Variants in UIMC1 observed in about 807,000 individuals in gnomAD.
UIMC1 encodes the protein BRCA1-A complex subunit RAP80.
Under a neutral mutation model 84.9 loss-of-function variants are expected in UIMC1, and 42 were observed. The observed-to-expected ratio is 0.49, with a 90% confidence interval of 0.39 to 0.64. The LOEUF (loss-of-function observed/expected upper bound fraction) is 0.64. UIMC1 is among the 30% of genes least tolerant of loss of function. The probability of loss-of-function intolerance (pLI) is 0.00; values close to 1 mark genes in which losing one functional copy is unlikely to be tolerated. For synonymous variants in UIMC1, 281 were observed against 293.0 expected (o/e 0.96, Z 0.42); for missense variants, 825 against 847.6 (o/e 0.97, Z 0.33).
At chr5:176,981,451 G>A (rs532095544) in intron 2 of UIMC1, among the ~76,000 whole-genome samples, 3 of 152,068 alleles carry the variant, frequency 2.0e-5, no homozygotes, top group Non-Finnish European at 2.9e-5. Flanking sequence ...GCCAAGAAAC[G>A]TTTCTGAAAA....
chr5:176,908,724 C>A (rs1231128328), intron 11 of UIMC1, 30 bp from the exon 12 acceptor site: 1 of 1,603,124 alleles, frequency 6.2e-7, no homozygotes, highest in Non-Finnish European at 8.5e-7. Flanking sequence ...GAAGAAAACA[C>A]AGTTTTAAGA....
chr5:176,983,945 T>G (rs7712706), intron 1 of UIMC1, among the ~76,000 whole-genome samples: 12,219 of 99,366 alleles, frequency 0.12, 1,342 homozygotes, highest in African/African-American at 0.32. Flanking sequence ...AAGTGAGGAG[T>G]GCCTCTGCCC....
chr5:176,910,320 G>A (rs1161113594), intron 11 of UIMC1, among the ~76,000 whole-genome samples: 2 of 152,162 alleles, frequency 1.3e-5, no homozygotes, highest in Non-Finnish European at 2.9e-5. Context: ...ATCTACTGTT[G>A]GTAATGACAT....
chr5:176,922,931 G>A (rs1460864122), intron 10 of UIMC1, among the ~76,000 whole-genome samples: 4 of 152,060 alleles, frequency 2.6e-5, no homozygotes, highest in African/African-American at 4.8e-5. Flanking sequence ...TGAGTAGGCA[G>A]GGGGCCTCTG....
chr5:176,914,485 G>T (rs900734376), intron 10 of UIMC1, among the ~76,000 whole-genome samples: 24 of 152,298 alleles, frequency 1.6e-4, no homozygotes, highest in African/African-American at 5.5e-4. Flanking sequence ...GTAATTTGGG[G>T]AGATATAGGA....
chr5:176,998,641 C>T (rs1486009545), intron 1 of UIMC1, among the ~76,000 whole-genome samples: 2 of 151,870 alleles, frequency 1.3e-5, no homozygotes, highest in Non-Finnish European at 2.9e-5. Flanking sequence ...GTGGTGCATG[C>T]CTGTAATCCC....
At chr5:176,911,264 G>A (rs749004488) in intron 11 of UIMC1, 47 bp downstream of exon 11, 131 of 1,478,986 alleles carry the variant, frequency 8.9e-5, no homozygotes, top group Middle Eastern at 1.8e-4. Flanking sequence ...CAGTCCAAAC[G>A]ATGGTATGTT....
chr5:176,956,796 C>A (rs1766658988), intron 7 of UIMC1, among the ~76,000 whole-genome samples: 1 of 151,824 alleles, frequency 6.6e-6, no homozygotes, highest in African/African-American at 2.4e-5. Context: ...CCAAGAACCA[C>A]AGAGAAGACA....
At chr5:176,963,157 T>TAAAAAAAAAAAAA (rs70991588) in intron 6 of UIMC1, among the ~76,000 whole-genome samples, 3 of 13,964 alleles carry the variant, frequency 2.1e-4, no homozygotes, top group South Asian at 2.8e-3. Context: ...AAAAATAAAT[T>TAAAAAAAAAAAAA]AAAAAAAAAA....
intron 11 of UIMC1, among the ~76,000 whole-genome samples, chr5:176,909,220 C>T (rs561794767): frequency 6.6e-6 from 1 of 152,336 alleles, no homozygotes; most frequent in South Asian, 2.1e-4. Flanking sequence ...CCATGTGGTT[C>T]TGCCAGAGGC....
chr5:176,944,041 T>G (rs544698540), intron 9 of UIMC1, among the ~76,000 whole-genome samples: 22 of 152,322 alleles, frequency 1.4e-4, no homozygotes, highest in Admixed American at 1.0e-3. Context: ...CAACAGCACC[T>G]TAAGGACACA....
intron 3 of UIMC1, 118 bp downstream of exon 3, chr5:176,975,278 A>T: frequency 1.0e-6 from 1 of 1,002,520 alleles, no homozygotes; most frequent in Non-Finnish European, 1.4e-6. Context: ...TGATAAATTC[A>T]CAACTTTTCT....
chr5:176,908,940 G>C (rs759757344), intron 11 of UIMC1, among the ~76,000 whole-genome samples: 1 of 152,200 alleles, frequency 6.6e-6, no homozygotes, highest in Non-Finnish European at 1.5e-5. Context: ...CAGTGGGATG[G>C]TAATGAAATC....
At chr5:176,978,646 T>C (rs974684583) in intron 2 of UIMC1, among the ~76,000 whole-genome samples, 1 of 151,966 alleles carries the variant, frequency 6.6e-6, no homozygotes, top group African/African-American at 2.4e-5. Context: ...AAAAAATCAA[T>C]ATTATATTAA....
chr5:176,976,423 C>CATTACTGACTAATCATATG (rs1770083385), intron 2 of UIMC1, among the ~76,000 whole-genome samples: 1 of 152,158 alleles, frequency 6.6e-6, no homozygotes, highest in African/African-American at 2.4e-5. Context: ...TGCCCAGTAT[C>CATTACTGACTAATCATATG]ATTAGTCATC....
chr5:176,918,984 TC>T (rs1761372639), intron 10 of UIMC1, among the ~76,000 whole-genome samples: 1 of 152,224 alleles, frequency 6.6e-6, no homozygotes, highest in Non-Finnish European at 1.5e-5. Flanking sequence ...TGACATATTT[TC>T]CTAGTCGGTT....
chr5:176,982,990 C>T (rs993176061), intron 1 of UIMC1, among the ~76,000 whole-genome samples: 1 of 152,090 alleles, frequency 6.6e-6, no homozygotes, highest in Non-Finnish European at 1.5e-5. Flanking sequence ...TGAGCCACCA[C>T]ATCCAGCCTA....
At chr5:176,916,912 G>C (rs1239620357) in intron 10 of UIMC1, among the ~76,000 whole-genome samples, 1 of 152,104 alleles carries the variant, frequency 6.6e-6, no homozygotes. Context: ...AAAATTCAAA[G>C]AGGAGGAACA....
intron 1 of UIMC1, chr5:177,001,338 T>C (rs944251055): frequency 2.0e-5 from 3 of 152,198 alleles, no homozygotes; most frequent in African/African-American, 7.2e-5. Context: ...GATAGACTTA[T>C]ACGTAAGTTG....
Sources: gnomAD v4.1 joint callset for allele counts (sites outside exome capture counted in the v4.1 genomes callset) on GRCh38, gnomAD v4.1.1 for gene constraint, MANE v1.5 for transcripts, NCBI Gene and HGNC (gene_info 2026-07-23, HGNC 2026-07-21) for gene names.